The following STAG1 variants were observed in gnomAD, a reference collection of about 807,000 sequenced individuals.
STAG1 encodes the protein cohesin subunit SA-1.
A neutral mutation model predicts 170.9 loss-of-function variants in STAG1; 26 were observed. The observed-to-expected ratio is 0.15, with a 90% CI of 0.11 to 0.21. The LOEUF (loss-of-function observed/expected upper bound fraction) is 0.21, where lower values mean the gene tolerates loss of function less well. Ranked by LOEUF, STAG1 falls within the 10% of genes least tolerant of loss-of-function variation. The pLI, the probability that STAG1 is intolerant of heterozygous loss-of-function variation, is 1.00. For missense variants in STAG1, 964 were observed against 1,509.5 expected, an observed-to-expected ratio of 0.64 and a Z score of 5.99; for synonymous variants, 514 against 497.7, an observed-to-expected ratio of 1.03 and a Z score of -0.44.
At chr3:136,452,814 G>C (rs1253674054) in intron 13 of STAG1, among the ~76,000 whole-genome samples, 2 of 152,012 alleles carry the variant, frequency 1.3e-5, no homozygotes, top group East Asian at 1.9e-4. Flanking sequence ...TTTTGAGACA[G>C]AGTCTCGCTC....
At chr3:136,380,545 T>C (rs2108312583) in intron 22 of STAG1, among the ~76,000 whole-genome samples, 1 of 152,104 alleles carries the variant, frequency 6.6e-6, no homozygotes, top group African/African-American at 2.4e-5. Flanking sequence ...CAGCCAGGGA[T>C]AATTTAGAAT....
chr3:136,624,418 TACAGCTGCA>T (rs1476587807), intron 2 of STAG1, among the ~76,000 whole-genome samples: 1 of 152,180 alleles, frequency 6.6e-6, no homozygotes, highest in Non-Finnish European at 1.5e-5. Flanking sequence ...GAATCTAACC[TACAGCTGCA>T]ACTGATGAAT....
intron 1 of STAG1, among the ~76,000 whole-genome samples, chr3:136,743,324 C>T (rs1443710740): frequency 6.6e-6 from 1 of 151,196 alleles, no homozygotes; most frequent in African/African-American, 2.4e-5. Context: ...GCTAAGATTG[C>T]ACCACTGCAC....
chr3:136,377,509 T>G (rs2108307820), intron 23 of STAG1, 151 bp downstream of exon 23: 2 of 559,718 alleles, frequency 3.6e-6, no homozygotes, highest in East Asian at 2.9e-5. Context: ...CTTTATAACA[T>G]AAATTCACAC....
At chr3:136,516,039 T>C (rs1188629724) in intron 7 of STAG1, among the ~76,000 whole-genome samples, 2 of 152,006 alleles carry the variant, frequency 1.3e-5, no homozygotes, top group Admixed American at 6.6e-5. Flanking sequence ...AAAAATAAAA[T>C]GTAAATACAA....
chr3:136,693,725 TA>T (rs1253415399), intron 1 of STAG1, among the ~76,000 whole-genome samples: 4 of 151,904 alleles, frequency 2.6e-5, no homozygotes, highest in Non-Finnish European at 5.9e-5. Flanking sequence ...CACACCCCCA[TA>T]CTCAGCTAAT....
At chr3:136,486,944 T>C (rs1194158677) in intron 9 of STAG1, among the ~76,000 whole-genome samples, 1 of 142,526 alleles carries the variant, frequency 7.0e-6, no homozygotes, top group African/African-American at 2.7e-5. Context: ...CTGAACAGCT[T>C]ATGTTCTCAG....
chr3:136,694,025 T>C (rs971767521), intron 1 of STAG1, among the ~76,000 whole-genome samples: 3 of 152,138 alleles, frequency 2.0e-5, no homozygotes, highest in African/African-American at 7.2e-5. Flanking sequence ...AGACCAATTC[T>C]AGTAGAGTCA....
At chr3:136,375,175 A>G (rs1413735343) in intron 23 of STAG1, among the ~76,000 whole-genome samples, 1 of 152,240 alleles carries the variant, frequency 6.6e-6, no homozygotes, top group Non-Finnish European at 1.5e-5. Flanking sequence ...TAAGTGGTGC[A>G]TGACTGTATT....
At chr3:136,632,834 G>A (rs967170458) in intron 1 of STAG1, among the ~76,000 whole-genome samples, 1 of 152,038 alleles carries the variant, frequency 6.6e-6, no homozygotes, top group Non-Finnish European at 1.5e-5. Flanking sequence ...AAATGGCCAG[G>A]CTATTTATTG....
intron 1 of STAG1, among the ~76,000 whole-genome samples, chr3:136,673,379 G>A (rs549807097): frequency 3.2e-4 from 48 of 152,094 alleles, no homozygotes; most frequent in Non-Finnish European, 4.4e-4. Flanking sequence ...ACTGAGCCTA[G>A]GATGAACAGT....
intron 1 of STAG1, among the ~76,000 whole-genome samples, chr3:136,747,842 T>A (rs1276242743): frequency 6.7e-6 from 1 of 149,664 alleles, no homozygotes; most frequent in East Asian, 2.1e-4. Flanking sequence ...GGTGGCACAA[T>A]CTCGGCTCAC....
intron 5 of STAG1, among the ~76,000 whole-genome samples, chr3:136,558,944 C>CGGAAG (rs1936730814): frequency 6.6e-6 from 1 of 151,978 alleles, no homozygotes; most frequent in Non-Finnish European, 1.5e-5. Flanking sequence ...ATTTTGCTTC[C>CGGAAG]CAAAATTGAA....
intron 1 of STAG1, among the ~76,000 whole-genome samples, chr3:136,663,291 T>C (rs1048347648): frequency 6.6e-6 from 1 of 152,206 alleles, no homozygotes; most frequent in Non-Finnish European, 1.5e-5. Flanking sequence ...ACTTTCTTTA[T>C]ATGCCCTTAA....
chr3:136,461,492 A>G (rs2089272445), intron 13 of STAG1, among the ~76,000 whole-genome samples: 1 of 152,202 alleles, frequency 6.6e-6, no homozygotes, highest in Non-Finnish European at 1.5e-5. Context: ...CAAAATCAAC[A>G]TAAAAATCAG....
chr3:136,559,238 T>C (rs955455225), intron 5 of STAG1, among the ~76,000 whole-genome samples: 4 of 152,070 alleles, frequency 2.6e-5, no homozygotes, highest in East Asian at 1.9e-4. Context: ...CTGATTAATA[T>C]ATAATAAAGC....
chr3:136,425,326 A>C (rs1463346842), intron 16 of STAG1, among the ~76,000 whole-genome samples: 1 of 152,186 alleles, frequency 6.6e-6, no homozygotes, highest in East Asian at 1.9e-4. Context: ...ATAGTATATA[A>C]AGTATAGTAT....
At chr3:136,433,474 A>G (rs1323092129) in intron 16 of STAG1, 82 bp downstream of exon 16, 3 of 954,350 alleles carry the variant, frequency 3.1e-6, no homozygotes, top group Non-Finnish European at 3.2e-6. Flanking sequence ...AGGGATACAA[A>G]TATCAGTAAA....
intron 24 of STAG1, among the ~76,000 whole-genome samples, chr3:136,367,323 G>C (rs1287937615): frequency 6.6e-6 from 1 of 152,006 alleles, no homozygotes; most frequent in East Asian, 1.9e-4. Context: ...TCATAGTAAA[G>C]ACTGAATAAG....
Sources: gnomAD v4.1 joint callset for allele counts (sites outside exome capture counted in the v4.1 genomes callset) on GRCh38, gnomAD v4.1.1 for gene constraint, MANE v1.5 for transcripts, NCBI Gene and HGNC (gene_info 2026-07-23, HGNC 2026-07-21) for gene names.